Variants in SPAG17 observed in about 807,000 individuals in gnomAD.
SPAG17 encodes sperm-associated antigen 17.
Under a neutral mutation model 273.6 loss-of-function variants are expected in SPAG17, and 169 were observed. The observed-to-expected ratio is 0.62, with a 90% CI of 0.55 to 0.70. SPAG17 has a LOEUF of 0.70. Among genes scored for constraint, SPAG17 ranks in the 30% least tolerant of loss-of-function variants. The probability of loss-of-function intolerance (pLI) is 0.00; values close to 1 mark genes in which losing one functional copy is unlikely to be tolerated. For synonymous variants in SPAG17, 825 were observed against 873.2 expected, an observed-to-expected ratio of 0.94 and a Z score of 0.97; for missense variants, 2,557 against 2,627.8, an observed-to-expected ratio of 0.97 and a Z score of 0.59.
intron 17 of SPAG17, among the ~76,000 whole-genome samples, chr1:118,073,211 G>C (rs1054127563): frequency 3.3e-5 from 5 of 152,184 alleles, no homozygotes; most frequent in Non-Finnish European, 7.4e-5. Context: ...TTTGCTGAGT[G>C]GTTAAGAGTA....
At chr1:117,959,085 C>G in intron 48 of SPAG17, 1 of 1,405,916 alleles carries the variant, frequency 7.1e-7, no homozygotes, top group Non-Finnish European at 9.9e-7. Context: ...TGTGCTTTGT[C>G]TTTAGCAATA....
chr1:117,999,067 G>A (rs1234268566), intron 32 of SPAG17, among the ~76,000 whole-genome samples: 1 of 150,078 alleles, frequency 6.7e-6, no homozygotes, highest in East Asian at 2.0e-4. Context: ...ACCTATAAGT[G>A]AGAACATGTG....
At chr1:118,011,743 AACACACACACACACAGACAC>A (rs1159180172) in intron 30 of SPAG17, among the ~76,000 whole-genome samples, 55 of 151,550 alleles carry the variant, frequency 3.6e-4, no homozygotes, top group African/African-American at 1.2e-3. Flanking sequence ...ACATAAATAA[AACACACACACACACAGACAC>A]ACACACACAC....
intron 1 of SPAG17, among the ~76,000 whole-genome samples, chr1:118,161,194 ATT>A (rs963190079): frequency 6.6e-6 from 1 of 152,206 alleles, no homozygotes; most frequent in Non-Finnish European, 1.5e-5. Flanking sequence ...TGTAAAGGCT[ATT>A]TAACATCAGT....
At position 118,101,648 on chromosome 1, in the gene SPAG17, G is replaced by A. The variant is rs145223288; in HGVS notation, c.634+92C>T. 360 of 1,253,122 alleles carry A rather than the reference G, an allele frequency of 2.9e-4. 3 individuals carry two copies. The East Asian group carries it at 8.0e-3, about 28-fold the overall frequency. 77.6% of individuals were successfully genotyped at this position (1,253,122 alleles called of 1,614,324 possible). ...GGGAATTGGCGTCAGGAAACTATGC[G>A]CTCTATGTGAGTCACCAAATTAACT... On this transcript the variant is annotated intron_variant, in intron 5 of 48. Transcript: ENST00000336338.
intron 13 of SPAG17, among the ~76,000 whole-genome samples, chr1:118,084,714 G>T (rs958801173): frequency 1.3e-5 from 2 of 152,158 alleles, no homozygotes; most frequent in Non-Finnish European, 1.5e-5. Context: ...ATTGCAGATT[G>T]TACCATCAGA....
At chr1:118,115,520 G>A in intron 3 of SPAG17, 79 bp from the exon 4 acceptor site, 4 of 1,377,604 alleles carry the variant, frequency 2.9e-6, no homozygotes, top group South Asian at 1.5e-5. Flanking sequence ...AAAGATGAAA[G>A]GAAATTTTAT....
intron 47 of SPAG17, 91 bp from the exon 48 acceptor site, chr1:117,964,029 T>G (rs1481155677): frequency 7.1e-7 from 1 of 1,411,402 alleles, no homozygotes; most frequent in Non-Finnish European, 9.6e-7. Context: ...GAATTTCTTC[T>G]CTGGCAACAT....
intron 15 of SPAG17, 133 bp downstream of exon 15, chr1:118,080,968 C>T (rs1245242461): frequency 1.4e-6 from 1 of 696,398 alleles, no homozygotes; most frequent in Non-Finnish European, 2.4e-6. Flanking sequence ...AACAACAATA[C>T]TCAGTAAGAA....
chr1:118,121,321 C>G (rs6666771), intron 3 of SPAG17, among the ~76,000 whole-genome samples: 1,664 of 152,258 alleles, frequency 0.011, 24 homozygotes, highest in African/African-American at 0.039. Flanking sequence ...TGGGACCTAT[C>G]TATGCGTGCC....
At position 118,124,455 on chromosome 1, in the gene SPAG17, T is replaced by G. The variant is rs545570703; in HGVS notation, c.316-9014A>C. 6.6e-5 allele frequency among the ~76,000 whole-genome samples: 10 copies of G among 152,360 alleles called. No homozygotes were observed. The South Asian group carries it at 2.1e-3, about 32-fold the overall frequency. The stretch of plus-strand genomic sequence containing the variant: ...TTTGAAATCCCCTCACAGAATCTGA[T>G]GCATATATAGACAAACAGTATATTC... On this transcript the variant is annotated intron_variant, in intron 3 of 48. Coordinates refer to ENST00000336338, the MANE Select transcript of SPAG17 (RefSeq NM_206996.4).
intron 30 of SPAG17, among the ~76,000 whole-genome samples, chr1:118,009,604 T>C (rs1659264039): frequency 6.6e-6 from 1 of 152,116 alleles, no homozygotes; most frequent in Admixed American, 6.6e-5. Context: ...GCAAATTAGA[T>C]GCCTTGAGGA....
chr1:117,997,658 T>C (rs2101686400), intron 32 of SPAG17, among the ~76,000 whole-genome samples: 1 of 152,184 alleles, frequency 6.6e-6, no homozygotes, highest in South Asian at 2.1e-4. Context: ...GTAAATATTT[T>C]AGAGTTTGAG....
intron 43 of SPAG17, among the ~76,000 whole-genome samples, chr1:117,976,481 G>A (rs1418661304): frequency 1.3e-5 from 2 of 152,192 alleles, no homozygotes; most frequent in African/African-American, 2.4e-5. Context: ...CTTGGCTACG[G>A]CACTTGCTTT....
Position 118,150,625 on chromosome 1 carries a change from T to C in SPAG17, c.233A>G (p.Asn78Ser). The change falls in exon 3 of 49, where the codon AAT (asparagine) becomes AGT (serine). Residue 78 changes from asparagine to serine, a missense_variant. By Grantham distance (46) the Asn-to-Ser change is conservative (BLOSUM62 1). Coordinates refer to ENST00000336338, the MANE Select transcript of SPAG17 (RefSeq NM_206996.4). Reference sequence around the variant, plus strand: ...AGATCCAACAAGTGTATTTATTTCATTAATCTGTAAGAAAATTAAATTTAC... The same window carrying C: ...AGATCCAACAAGTGTATTTATTTCACTAATCTGTAAGAAAATTAAATTTAC... ...VSWQDILQQI[N>S]EINTLVGSAS... The C allele has an allele frequency of 6.6e-7, 1 of 1,508,554 alleles. No individual in the cohort carries two copies. The highest frequency in any genetic ancestry group is 9.1e-7 in the Non-Finnish European group (1 of 1,099,540). 93.4% of individuals were successfully genotyped at this position (1,508,554 alleles called of 1,614,324 possible). A position where few individuals can be genotyped will look rare whatever the true frequency, so the allele number is the denominator to read the frequency against.
At chr1:117,978,616 A>T (rs1035102977) in intron 43 of SPAG17, among the ~76,000 whole-genome samples, 1 of 152,136 alleles carries the variant, frequency 6.6e-6, no homozygotes, top group African/African-American at 2.4e-5. Flanking sequence ...GCAAAACTCT[A>T]GGGTAAAGCT....
At position 118,066,854 on chromosome 1, in the gene SPAG17, A is replaced by G. The variant is rs763738328; in HGVS notation, c.2431T>C (p.Tyr811His). Reference sequence around the variant, plus strand: ...AGTAAAGAGTTGTCTTGGGTGTGGTAGTAAGAATCAACACACCTATATTGC... The same window carrying G: ...AGTAAAGAGTTGTCTTGGGTGTGGTGGTAAGAATCAACACACCTATATTGC... Reference protein sequence around the residue: ...HKQYRCVDSYYHTQDNSLLLV... With the variant: ...HKQYRCVDSYHHTQDNSLLLV... The change falls in exon 18 of 49, where the codon TAC becomes CAC. Residue 811 changes from tyrosine to histidine, a missense_variant. Physicochemically the swap from Tyr to His is moderately conservative, Grantham distance 83. Transcript: ENST00000336338. 6.2e-7 allele frequency: 1 copy of G among 1,613,734 alleles called. No individual in the cohort carries two copies. The highest frequency in any genetic ancestry group is 8.5e-7 in the Non-Finnish European group (1 of 1,179,724).
chr1:118,084,786 G>T (rs1039887277), intron 13 of SPAG17, among the ~76,000 whole-genome samples: 1 of 152,108 alleles, frequency 6.6e-6, no homozygotes, highest in Non-Finnish European at 1.5e-5. Context: ...TGTTCTACTG[G>T]GTATCCAGAG....
chr1:118,099,510 T>C, intron 6 of SPAG17, 96 bp downstream of exon 6: 1 of 1,129,706 alleles, frequency 8.9e-7, no homozygotes, highest in Non-Finnish European at 1.3e-6. Flanking sequence ...AATGTACTAA[T>C]TGTAAGACTA....
Sources: gnomAD v4.1 joint callset for allele counts (sites outside exome capture counted in the v4.1 genomes callset) on GRCh38, gnomAD v4.1.1 for gene constraint, MANE v1.5 for transcripts, NCBI Gene and HGNC (gene_info 2026-07-23, HGNC 2026-07-21) for gene names.